WDR25: variants seen among roughly 807,000 people sequenced by gnomAD.
WDR25 encodes WD repeat domain 25.
In WDR25, 35 loss-of-function variants were observed where a neutral mutation model predicts 47.7. That is an observed-to-expected ratio of 0.73 (90% CI 0.56 to 0.97). The LOEUF (loss-of-function observed/expected upper bound fraction) is 0.97. Ranked by LOEUF, WDR25 falls within the 50% of genes least tolerant of loss-of-function variation. The pLI, the probability that WDR25 is intolerant of heterozygous loss-of-function variation, is 0.00. For missense variants in WDR25, 634 were observed against 704.7 expected, an observed-to-expected ratio of 0.90 and a Z score of 1.14; for synonymous variants, 248 against 278.9, an observed-to-expected ratio of 0.89 and a Z score of 1.10.
chr14:100,519,077 T>A (rs1901606753), intron 4 of WDR25, among the ~76,000 whole-genome samples: 1 of 152,130 alleles, frequency 6.6e-6, no homozygotes, highest in South Asian at 2.1e-4. Flanking sequence ...AGTCTTTGGG[T>A]CAACAGCAGG....
intron 2 of WDR25, among the ~76,000 whole-genome samples, chr14:100,384,920 T>A (rs1036622901): frequency 3.3e-5 from 5 of 152,206 alleles, no homozygotes; most frequent in African/African-American, 1.2e-4. Flanking sequence ...GTTACCTCAC[T>A]TCTGAGCCTT....
At chr14:100,471,040 C>G (rs1353765662) in intron 3 of WDR25, among the ~76,000 whole-genome samples, 3 of 151,966 alleles carry the variant, frequency 2.0e-5, no homozygotes, top group African/African-American at 7.3e-5. Context: ...GGACTTGGTG[C>G]TGAGGCCACA....
chr14:100,408,739 C>A (rs982926338), intron 2 of WDR25, among the ~76,000 whole-genome samples: 1 of 152,162 alleles, frequency 6.6e-6, no homozygotes, highest in African/African-American at 2.4e-5. Context: ...GTATATGACG[C>A]CAGAAGAGTA....
At position 100,525,479 on chromosome 14, in the gene WDR25, A is replaced by T. The variant is rs781221584; in HGVS notation, c.1102-391A>T. Among the ~76,000 whole-genome samples the T allele has an allele frequency of 6.6e-6, 1 of 152,156 alleles. No individual in the cohort carries two copies. Among genetic ancestry groups the T allele is most frequent in the Non-Finnish European group, 1.5e-5 (1 of 68,014 alleles). The stretch of plus-strand genomic sequence containing the variant: ...TCTGGGACTTTGCAAGCTGTGAATT[A>T]TGTGACGTCTTCAGAAGCAGGACCC... On this transcript the variant is annotated intron_variant, in intron 4 of 6. Transcript: ENST00000402312. This position sits in a 1 kb window ranked among gnomAD's most constrained non-coding sequence, Gnocchi z 4.6.
chr14:100,525,795 G>T lies in WDR25; in HGVS notation c.1102-75G>T. The T allele has an allele frequency of 1.3e-6, 2 of 1,562,912 alleles. No individual in the cohort carries two copies. The highest frequency in any genetic ancestry group is 1.7e-6 in the Non-Finnish European group (2 of 1,152,310). On this transcript the variant is annotated intron_variant, in intron 4 of 6. Coordinates refer to ENST00000402312, the MANE Select transcript of WDR25 (RefSeq NM_001161476.3). This position sits in a 1 kb window ranked among gnomAD's most constrained non-coding sequence, Gnocchi z 4.6. ...TTCACTAAACCTGCCTGCCCCCTGGGTCCTTGGCCTTCCCTGCATAGGCGC... is the reference window on the plus strand; with the variant it reads ...TTCACTAAACCTGCCTGCCCCCTGGTTCCTTGGCCTTCCCTGCATAGGCGC...
intron 3 of WDR25, among the ~76,000 whole-genome samples, chr14:100,481,501 A>G (rs912721885): frequency 6.6e-5 from 10 of 151,218 alleles, no homozygotes; most frequent in Non-Finnish European, 1.3e-4. Flanking sequence ...GTACAACCAG[A>G]AAATAGTGTG....
At chr14:100,479,570 G>A (rs751922378) in intron 3 of WDR25, among the ~76,000 whole-genome samples, 26 of 151,916 alleles carry the variant, frequency 1.7e-4, no homozygotes, top group Non-Finnish European at 1.2e-4. Context: ...TCTCCTTGAT[G>A]ACTTAAAAAA....
intron 2 of WDR25, among the ~76,000 whole-genome samples, chr14:100,437,783 G>A (rs773642006): frequency 2.0e-5 from 3 of 151,934 alleles, no homozygotes; most frequent in Admixed American, 6.6e-5. Flanking sequence ...GGTGTTATAC[G>A]CCCCCTTAGT....
intron 3 of WDR25, among the ~76,000 whole-genome samples, chr14:100,473,787 C>T (rs572511906): frequency 2.0e-3 from 308 of 152,318 alleles, no homozygotes; most frequent in Admixed American, 7.1e-3. Flanking sequence ...TGGCTCCTGC[C>T]GGTCCTTGGA....
intron 3 of WDR25, among the ~76,000 whole-genome samples, chr14:100,482,844 G>T (rs1010613611): frequency 2.0e-5 from 3 of 152,216 alleles, no homozygotes; most frequent in African/African-American, 7.2e-5. Context: ...GTGTCCCTAA[G>T]TAGCCCACTG....
chr14:100,400,344 T>C (rs892995737), intron 2 of WDR25, among the ~76,000 whole-genome samples: 3 of 152,230 alleles, frequency 2.0e-5, no homozygotes, highest in African/African-American at 7.2e-5. Flanking sequence ...TGGCGCCTGG[T>C]CCTCAGTGGA....
chr14:100,495,303 GC>G (rs1900696251), intron 4 of WDR25, among the ~76,000 whole-genome samples: 1 of 152,222 alleles, frequency 6.6e-6, no homozygotes, highest in African/African-American at 2.4e-5. Context: ...GTTGCAGTGA[GC>G]TGAGACCGTG....
chr14:100,501,747 ACCCT>A, intron 4 of WDR25, among the ~76,000 whole-genome samples: 1 of 152,182 alleles, frequency 6.6e-6, no homozygotes, highest in Non-Finnish European at 1.5e-5. Flanking sequence ...GCCAGTAAAT[ACCCT>A]CCAAGACAGA....
chr14:100,475,543 C>T (rs780648319), intron 3 of WDR25, among the ~76,000 whole-genome samples: 5 of 152,060 alleles, frequency 3.3e-5, no homozygotes, highest in Admixed American at 6.6e-5. Flanking sequence ...AAGACAAATA[C>T]TGCATGATCT....
intron 4 of WDR25, among the ~76,000 whole-genome samples, chr14:100,490,992 G>A (rs1900543139): frequency 6.6e-6 from 1 of 152,244 alleles, no homozygotes; most frequent in African/African-American, 2.4e-5. Flanking sequence ...TGGAGGCAAA[G>A]ATGTAGGACC....
rs1900836389 is a variant in WDR25, at chr14:100,499,254, TATC to T, written c.1101+15133_1101+15135del. Among the ~76,000 whole-genome samples the T allele has an allele frequency of 6.6e-6, 1 of 152,264 alleles. No individual in the cohort carries two copies. Among genetic ancestry groups the T allele is most frequent in the Admixed American group, 6.5e-5 (1 of 15,290 alleles). ...ATAATTGTCTTTCAGCTTATTATAA[TATC>T]ATTAGAATTTCCCATATTGTTAAAA... On this transcript the variant is annotated intron_variant, in intron 4 of 6. Transcript: ENST00000402312. This position sits in a 1 kb window ranked among gnomAD's most constrained non-coding sequence, Gnocchi z 4.4.
chr14:100,487,199 A>G (rs2140325767), intron 4 of WDR25, among the ~76,000 whole-genome samples: 1 of 152,358 alleles, frequency 6.6e-6, no homozygotes, highest in African/African-American at 2.4e-5. Context: ...TGTCTGGCAT[A>G]GGCAGGAACT....
chr14:100,495,179 ACT>A (rs1415519908), intron 4 of WDR25, among the ~76,000 whole-genome samples: 1 of 152,088 alleles, frequency 6.6e-6, no homozygotes, highest in East Asian at 1.9e-4. Flanking sequence ...ACATGGTGAA[ACT>A]CTGTCTCTCT....
chr14:100,469,393 A>G (rs1364345461), intron 3 of WDR25, among the ~76,000 whole-genome samples: 1 of 152,198 alleles, frequency 6.6e-6, no homozygotes, highest in Non-Finnish European at 1.5e-5. Flanking sequence ...TGCACACAGC[A>G]TGTCTAATCC....
Sources: gnomAD v4.1 joint callset for allele counts (sites outside exome capture counted in the v4.1 genomes callset) on GRCh38, gnomAD v4.1.1 for gene constraint, Gnocchi (gnomAD v3.1) non-coding constraint, MANE v1.5 for transcripts, NCBI Gene and HGNC (gene_info 2026-07-23, HGNC 2026-07-21) for gene names.